SCAPER: variants seen among roughly 807,000 people sequenced by gnomAD.
SCAPER encodes the protein S phase cyclin A-associated protein in the endoplasmic reticulum.
A neutral mutation model predicts 182.2 loss-of-function variants in SCAPER; 98 were observed. The observed-to-expected ratio is 0.54, with a 90% confidence interval of 0.46 to 0.64. SCAPER has a LOEUF of 0.64. SCAPER is among the 30% of genes least tolerant of loss of function. SCAPER has a pLI of 0.00. For synonymous variants in SCAPER, 605 were observed against 564.6 expected (o/e 1.07, Z -1.01); for missense variants, 1,432 against 1,690.0 (o/e 0.85, Z 2.68).
chr15:76,721,150 C>A (rs1323839496), intron 17 of SCAPER, among the ~76,000 whole-genome samples: 38 of 152,058 alleles, frequency 2.5e-4, no homozygotes, highest in East Asian at 9.7e-4. Context: ...ATATGGCTAG[C>A]CAGTTTGCCC....
In SCAPER at chr15:76,854,720, G is replaced by A. The variant is rs140417504; in HGVS notation, c.195+3089C>T. Among the ~76,000 whole-genome samples, 1,243 of 151,604 alleles carry A rather than the reference G, an allele frequency of 8.2e-3. 16 individuals are homozygous for A. Among genetic ancestry groups the A allele is most frequent in the African/African-American group, 0.029 (1,194 of 41,232 alleles). ...CACACCTGTAATCCCAGCACTTTGGGAGGCCAAGGCAGGTGGATCATGAGG... is the reference window on the plus strand; with the variant it reads ...CACACCTGTAATCCCAGCACTTTGGAAGGCCAAGGCAGGTGGATCATGAGG... On this transcript the variant is annotated intron_variant, in intron 4 of 31. Coordinates refer to ENST00000563290, the MANE Select transcript of SCAPER (RefSeq NM_020843.4).
chr15:76,784,683 C>G (rs988168061), intron 8 of SCAPER, among the ~76,000 whole-genome samples: 2 of 152,198 alleles, frequency 1.3e-5, no homozygotes, highest in Non-Finnish European at 2.9e-5. Context: ...AGTACCAAAA[C>G]AGATATATAG....
At chr15:76,717,071 T>C (rs1258803728) in intron 17 of SCAPER, among the ~76,000 whole-genome samples, 1 of 148,366 alleles carries the variant, frequency 6.7e-6, no homozygotes. Context: ...TCCATCAGAG[T>C]ATCATTGGAC....
intron 21 of SCAPER, among the ~76,000 whole-genome samples, chr15:76,656,480 A>T (rs1462980534): frequency 6.6e-6 from 1 of 152,168 alleles, no homozygotes; most frequent in Non-Finnish European, 1.5e-5. Flanking sequence ...TGACAGCATT[A>T]AACAGACTAC....
At position 76,857,852 on chromosome 15, in the gene SCAPER, T is replaced by C. The variant is rs192433312; in HGVS notation, c.152A>G (p.Lys51Arg). ...AGTGCCTTGAATGGTCCTCTTAGATTTTCCACCAGTTTGACATTTAGGTTT... is the reference window on the plus strand; with the variant it reads ...AGTGCCTTGAATGGTCCTCTTAGATCTTCCACCAGTTTGACATTTAGGTTT... ...DGKPKCQTGGKSKRTIQGTHK... is the reference protein window; with the variant it reads ...DGKPKCQTGGRSKRTIQGTHK... Residue 51 changes from lysine (K) to arginine (R), a missense_variant, in exon 4 of 32, where the codon AAA becomes AGA. Coordinates refer to ENST00000563290, the MANE Select transcript of SCAPER (RefSeq NM_020843.4). 1.1e-5 allele frequency: 17 copies of C among 1,547,042 alleles called. No individual in the cohort carries two copies. In the East Asian group the frequency reaches 3.9e-4, roughly 36 times the overall value.
intron 14 of SCAPER, among the ~76,000 whole-genome samples, chr15:76,764,726 A>C (rs2151274991): frequency 6.6e-6 from 1 of 152,364 alleles, no homozygotes; most frequent in Middle Eastern, 3.4e-3. Context: ...AAACGGCAAA[A>C]GTAGAGCTTT....
At chr15:76,833,171 C>T (rs1009636216) in intron 5 of SCAPER, among the ~76,000 whole-genome samples, 2 of 152,186 alleles carry the variant, frequency 1.3e-5, no homozygotes, top group Non-Finnish European at 2.9e-5. Flanking sequence ...AGGCTTACAG[C>T]AGACCTTTCA....
intron 26 of SCAPER, among the ~76,000 whole-genome samples, chr15:76,414,935 G>C (rs2045549903): frequency 6.6e-6 from 1 of 152,136 alleles, no homozygotes; most frequent in Admixed American, 6.5e-5. Context: ...TCCTTTCAAT[G>C]ATTTTGTAAG....
At chr15:76,800,914 T>G (rs928565653) in intron 6 of SCAPER, among the ~76,000 whole-genome samples, 1 of 152,206 alleles carries the variant, frequency 6.6e-6, no homozygotes, top group Non-Finnish European at 1.5e-5. Context: ...CTACTCCTCC[T>G]CCTTCCTTGG....
intron 20 of SCAPER, among the ~76,000 whole-genome samples, chr15:76,686,084 G>A (rs2058024583): frequency 6.6e-6 from 1 of 151,830 alleles, no homozygotes. Context: ...TTTGATTGTT[G>A]AAATTAATAT....
At chr15:76,777,730 G>A (rs1164836745) in intron 8 of SCAPER, among the ~76,000 whole-genome samples, 1 of 152,102 alleles carries the variant, frequency 6.6e-6, no homozygotes, top group Non-Finnish European at 1.5e-5. Context: ...TTCAAAGAAG[G>A]TTTGAAATTT....
intron 29 of SCAPER, among the ~76,000 whole-genome samples, chr15:76,355,790 C>G (rs147894683): frequency 5.3e-5 from 8 of 152,326 alleles, no homozygotes; most frequent in African/African-American, 9.6e-5. Context: ...GGCAGAGCCC[C>G]TTAGGGACCT....
At chr15:76,815,686 T>C (rs925593239) in intron 5 of SCAPER, among the ~76,000 whole-genome samples, 2 of 152,124 alleles carry the variant, frequency 1.3e-5, no homozygotes, top group African/African-American at 4.8e-5. Context: ...CAGCATTAGA[T>C]TCTCATAGGA....
At chr15:76,421,393 G>C (rs1373187931) in intron 26 of SCAPER, among the ~76,000 whole-genome samples, 5 of 152,188 alleles carry the variant, frequency 3.3e-5, no homozygotes, top group African/African-American at 9.7e-5. Flanking sequence ...ATTTTTTCAT[G>C]TGTCTGTTGG....
At chr15:76,544,213 C>G (rs987346581) in intron 23 of SCAPER, among the ~76,000 whole-genome samples, 12 of 152,132 alleles carry the variant, frequency 7.9e-5, no homozygotes, top group African/African-American at 2.7e-4. Context: ...TCACACACTG[C>G]TAATGAAAAT....
intron 24 of SCAPER, among the ~76,000 whole-genome samples, chr15:76,478,471 A>C (rs939146279): frequency 4.6e-5 from 7 of 152,044 alleles, no homozygotes; most frequent in African/African-American, 1.7e-4. Flanking sequence ...TTGTGCTTTA[A>C]AAATTCTTTC....
At chr15:76,450,575 A>T (rs550538068) in intron 25 of SCAPER, among the ~76,000 whole-genome samples, 1 of 152,306 alleles carries the variant, frequency 6.6e-6, no homozygotes, top group African/African-American at 2.4e-5. Flanking sequence ...ATATTTTGAG[A>T]TGGAGTCTTG....
At chr15:76,509,788 G>A (rs1484640738) in intron 23 of SCAPER, among the ~76,000 whole-genome samples, 7 of 151,988 alleles carry the variant, frequency 4.6e-5, no homozygotes, top group African/African-American at 9.7e-5. Context: ...CAAAAAGAAC[G>A]AATCTGGAGG....
intron 17 of SCAPER, among the ~76,000 whole-genome samples, chr15:76,718,471 T>G (rs186548419): frequency 2.2e-4 from 33 of 151,988 alleles, no homozygotes; most frequent in African/African-American, 7.2e-4. Context: ...GGCGGATCAC[T>G]TGAGGTCAGG....
Sources: allele counts gnomAD v4.1 joint callset (sites outside exome capture counted in the v4.1 genomes callset), GRCh38; gene constraint gnomAD v4.1.1; transcripts MANE v1.5; gene names NCBI Gene and HGNC (gene_info 2026-07-23, HGNC 2026-07-21).